SCYL3: variants seen among roughly 807,000 people sequenced by gnomAD.
The protein encoded by SCYL3 is protein-associating with the carboxyl-terminal domain of ezrin.
Under a neutral mutation model 73.8 loss-of-function variants are expected in SCYL3, and 35 were observed. The observed-to-expected ratio is 0.47, with a 90% confidence interval of 0.36 to 0.63. SCYL3 has a LOEUF of 0.63. Among genes scored for constraint, SCYL3 ranks in the 20% least tolerant of loss-of-function variants. SCYL3 has a pLI of 0.00. For missense variants in SCYL3, 712 were observed against 798.9 expected, an observed-to-expected ratio of 0.89 and a Z score of 1.31; for synonymous variants, 277 against 295.2, an observed-to-expected ratio of 0.94 and a Z score of 0.63.
At chr1:169,893,501 A>G (rs1301671745) in intron 1 of SCYL3, among the ~76,000 whole-genome samples, 2 of 151,692 alleles carry the variant, frequency 1.3e-5, no homozygotes, top group Non-Finnish European at 2.9e-5. Context: ...GCGAGGACCG[A>G]CTCCGCGGCC....
chr1:169,859,578 G>A (rs765042728), intron 10 of SCYL3, among the ~76,000 whole-genome samples: 4 of 152,186 alleles, frequency 2.6e-5, no homozygotes, highest in Non-Finnish European at 2.9e-5. Context: ...TCTGCAGAGC[G>A]CACTCAGAAC....
chr1:169,874,435 A>G (rs78379838), intron 4 of SCYL3, among the ~76,000 whole-genome samples: 3,890 of 152,304 alleles, frequency 0.026, 69 homozygotes, highest in Non-Finnish European at 0.044. Flanking sequence ...GGGCAGGGGA[A>G]TGCCTAGGGG....
Position 169,851,861 on chromosome 1 carries a change from G to A in SCYL3, c.*1852C>T, listed in dbSNP as rs1388870418. Reference sequence around the variant, plus strand: ...CTGAAGCTGCCAAAGTGGAACGTGTGAAACAGGAAAAAGGTATTTTCTGGG... The same window carrying A: ...CTGAAGCTGCCAAAGTGGAACGTGTAAAACAGGAAAAAGGTATTTTCTGGG... On this transcript the variant is annotated 3_prime_UTR_variant, in exon 13 of 13. Coordinates refer to ENST00000367771, the MANE Select transcript of SCYL3 (RefSeq NM_020423.7). 1.9e-6 allele frequency: 3 copies of A among 1,614,032 alleles called. No homozygotes were observed. Among genetic ancestry groups the A allele is most frequent in the Non-Finnish European group, 2.5e-6 (3 of 1,179,964 alleles).
Position 169,852,915 on chromosome 1 carries a change from G to A in SCYL3, c.*798C>T, listed in dbSNP as rs1658596295. On this transcript the variant is annotated 3_prime_UTR_variant, in exon 13 of 13. Coordinates refer to ENST00000367771, the MANE Select transcript of SCYL3 (RefSeq NM_020423.7). ...TCCAAAAGGGTCCTGCTCCAGCCTG[G>A]CTTTCAATGGAAATGGAGGCGCTCC... 3 of 1,614,016 alleles carry A rather than the reference G, an allele frequency of 1.9e-6. No homozygotes were observed. Among genetic ancestry groups the A allele is most frequent in the East Asian group, 4.5e-5 (2 of 44,898 alleles).
rs779301022 is a variant in SCYL3, at chr1:169,854,841, C to G, written c.1436G>C (p.Ser479Thr). The stretch of plus-strand genomic sequence containing the variant: ...TTGATTTTCAGGCTCCTCAGGTTCA[C>G]TCCAGTCAGGCCACTCCTCAGACTT... Reference protein sequence around the residue: ...SKKSEEWPDWSEPEEPENQTV... With the variant: ...SKKSEEWPDWTEPEEPENQTV... Residue 479 changes from serine to threonine, a missense_variant, in exon 12 of 13, where the codon AGT becomes ACT. By Grantham distance (58) the Ser-to-Thr change is moderately conservative. Around this residue, in one of 2 missense-constraint regions of SCYL3, gnomAD observed 370 missense variants for 350.8 expected, o/e 1.05. Coordinates refer to ENST00000367771, the MANE Select transcript of SCYL3 (RefSeq NM_020423.7). 1 of 1,614,066 alleles carries G rather than the reference C, an allele frequency of 6.2e-7. No homozygotes were observed. The highest frequency in any genetic ancestry group is 8.5e-7 in the Non-Finnish European group (1 of 1,179,946).
At chr1:169,871,097 GATGA>G (rs897012650) in intron 5 of SCYL3, among the ~76,000 whole-genome samples, 1 of 152,180 alleles carries the variant, frequency 6.6e-6, no homozygotes, top group Non-Finnish European at 1.5e-5. Flanking sequence ...GCTAGAGATA[GATGA>G]ATGGTTTGGG....
At position 169,853,724 on chromosome 1, in the gene SCYL3, T is replaced by TATC. The variant is rs767595822; in HGVS notation, c.2053_2055dup (p.Asp685dup). The TATC allele has an allele frequency of 6.2e-7, 1 of 1,613,788 alleles. No homozygotes were observed. The highest frequency in any genetic ancestry group is 1.3e-5 in the African/African-American group (1 of 75,022). ...ACTCACATCTATTGTCACCAGTTAT[T>TATC]ATCTTCCCAGTTCAGCTCCCCTTCT... On this transcript the variant is annotated inframe_insertion, in exon 13 of 13. Transcript: ENST00000367771.
intron 9 of SCYL3, 40 bp downstream of exon 9, chr1:169,864,329 A>G (rs750650157): frequency 1.9e-6 from 3 of 1,613,440 alleles, no homozygotes; most frequent in African/African-American, 2.7e-5. Context: ...ATAATCACCA[A>G]ACTTCTTAAC....
chr1:169,872,177 G>A (rs376468096), intron 5 of SCYL3, among the ~76,000 whole-genome samples: 4 of 152,330 alleles, frequency 2.6e-5, no homozygotes, highest in Admixed American at 6.5e-5. Context: ...TTTCATGGGC[G>A]AGGCCCAGGG....
At chr1:169,869,855 G>A (rs1660273526) in intron 6 of SCYL3, among the ~76,000 whole-genome samples, 1 of 152,072 alleles carries the variant, frequency 6.6e-6, no homozygotes, top group Non-Finnish European at 1.5e-5. Flanking sequence ...AAGAAATGTT[G>A]AGCTCAATTT....
chr1:169,862,549 CTCTT>C (rs3062287), intron 10 of SCYL3, 60 bp downstream of exon 10: 406,233 of 1,559,006 alleles, frequency 0.26, 56,463 homozygotes, highest in Middle Eastern at 0.3. Flanking sequence ...ACCTCCAAAA[CTCTT>C]TCTTTCAGCA....
chr1:169,891,301 G>A (rs1215951871), intron 1 of SCYL3, among the ~76,000 whole-genome samples: 1 of 152,098 alleles, frequency 6.6e-6, no homozygotes, highest in African/African-American at 2.4e-5. Flanking sequence ...TACTTAGGGG[G>A]CACATTACTA....
At chr1:169,887,370 A>C (rs1275948762) in intron 2 of SCYL3, among the ~76,000 whole-genome samples, 1 of 152,182 alleles carries the variant, frequency 6.6e-6, no homozygotes, top group Non-Finnish European at 1.5e-5. Flanking sequence ...TAGGTTATTC[A>C]ATTTTCTTGG....
In SCYL3 at chr1:169,850,998, T is replaced by TTG. The variant is rs1658138333; in HGVS notation, c.*2714_*2715insCA. 1.8e-5 allele frequency: 1 copy of TTG among 54,308 alleles called. No individual in the cohort carries two copies. Among genetic ancestry groups the TTG allele is most frequent in the Middle Eastern group, 9.6e-3 (1 of 104 alleles). 3.4% of individuals were successfully genotyped at this position (54,308 alleles called of 1,614,324 possible). A position where few individuals can be genotyped will look rare whatever the true frequency, so the allele number is the denominator to read the frequency against. On this transcript the variant is annotated 3_prime_UTR_variant, in exon 13 of 13. Coordinates refer to ENST00000367771, the MANE Select transcript of SCYL3 (RefSeq NM_020423.7). ...GGCATGGCTTTTTTTTTTTTTTTTTTTTTTTTTTATTTGGGCAGCCTCCCA... is the reference window on the plus strand; with the variant it reads ...GGCATGGCTTTTTTTTTTTTTTTTTTTGTTTTTTTTATTTGGGCAGCCTCCCA...
chr1:169,850,995 TTTTTTTTTTTTATTTG>T lies in SCYL3; in HGVS notation c.*2702_*2717del, dbSNP rs1558102705. The T allele has an allele frequency of 1.7e-4, 9 of 54,500 alleles. No homozygotes were observed. The highest frequency in any genetic ancestry group is 2.8e-4 in the Non-Finnish European group (7 of 25,426). The allele number at this position is 54,500 out of a possible 1,614,324, so 3.4% of individuals were successfully genotyped here. A position where few individuals can be genotyped will look rare whatever the true frequency, so the allele number is the denominator to read the frequency against. On this transcript the variant is annotated 3_prime_UTR_variant, in exon 13 of 13. Transcript: ENST00000367771. Reference sequence around the variant, plus strand: ...TTAGGCATGGCTTTTTTTTTTTTTTTTTTTTTTTTTTATTTGGGCAGCCTCCCAAGCCAGGGTAAGC... The same window carrying T: ...TTAGGCATGGCTTTTTTTTTTTTTTTGGCAGCCTCCCAAGCCAGGGTAAGC...
At chr1:169,882,170 G>A (rs1661318141) in intron 2 of SCYL3, among the ~76,000 whole-genome samples, 1 of 152,210 alleles carries the variant, frequency 6.6e-6, no homozygotes, top group Admixed American at 6.5e-5. Flanking sequence ...CTGGAGTTCT[G>A]GGTGGGCGTG....
At position 169,862,809 on chromosome 1, in the gene SCYL3, A is replaced by T. The variant is rs1659756131; in HGVS notation, c.956-12T>A. ...TCCCTGCGCATGATCTACCCGAAAA[A>T]TCAAAGGTTACAGATGAAAAAACAA... On this transcript the variant is annotated splice_polypyrimidine_tract_variant and intron_variant, in intron 9 of 12. Transcript: ENST00000367771. The T allele has an allele frequency of 6.2e-7, 1 of 1,612,222 alleles. No homozygotes were observed. Among genetic ancestry groups the T allele is most frequent in the Non-Finnish European group, 8.5e-7 (1 of 1,178,644 alleles).
Position 169,852,833 on chromosome 1 carries a change from AG to A in SCYL3, c.*879del. On this transcript the variant is annotated 3_prime_UTR_variant, in exon 13 of 13. Transcript: ENST00000367771. ...CGTCAGGAGTTCCCCTGGGAAGAAG[AG>A]TACAGGTCAGCGCTGCATACAATAG... is the stretch of plus-strand genomic sequence containing the variant. The A allele has an allele frequency of 1.2e-6, 2 of 1,614,172 alleles. No individual in the cohort carries two copies. Among genetic ancestry groups the A allele is most frequent in the Non-Finnish European group, 8.5e-7 (1 of 1,179,992 alleles).
chr1:169,852,659 G>T lies in SCYL3; in HGVS notation c.*1054C>A. The T allele has an allele frequency of 1.1e-6, 1 of 891,278 alleles. No individual in the cohort carries two copies. Among genetic ancestry groups the T allele is most frequent in the Non-Finnish European group, 1.7e-6 (1 of 583,744 alleles). The allele number at this position is 891,278 out of a possible 1,614,324, so 55.2% of individuals were successfully genotyped here. A position where few individuals can be genotyped will look rare whatever the true frequency, so the allele number is the denominator to read the frequency against. The stretch of plus-strand genomic sequence containing the variant: ...TTCTAGATGACTGTGTAGGGGTTTT[G>T]GGGTGCATCCTCCTACCCTTGTGAT... On this transcript the variant is annotated 3_prime_UTR_variant, in exon 13 of 13. Coordinates refer to ENST00000367771, the MANE Select transcript of SCYL3 (RefSeq NM_020423.7).
Sources: gnomAD v4.1 joint callset for allele counts (sites outside exome capture counted in the v4.1 genomes callset) on GRCh38, gnomAD v4.1.1 for gene constraint, gnomAD v4.1.1 regional missense constraint, MANE v1.5 for transcripts, NCBI Gene and HGNC (gene_info 2026-07-23, HGNC 2026-07-21) for gene names.